The following COL4A2 variants were observed in gnomAD, a reference collection of about 807,000 sequenced individuals.
COL4A2 encodes collagen alpha-2(IV) chain.
Under a neutral mutation model 200.2 loss-of-function variants are expected in COL4A2, and 99 were observed. The observed-to-expected ratio is 0.49, with a 90% confidence interval of 0.42 to 0.58. The LOEUF (loss-of-function observed/expected upper bound fraction) is 0.58, where lower values mean the gene tolerates loss of function less well. Among genes scored for constraint, COL4A2 ranks in the 20% least tolerant of loss-of-function variants. The pLI is 0.00. For missense variants in COL4A2, 1,950 were observed against 2,314.1 expected, an observed-to-expected ratio of 0.84 and a Z score of 3.23; for synonymous variants, 897 against 900.6, an observed-to-expected ratio of 1.00 and a Z score of 0.07.
chr13:110,494,041 T>C (rs1238929431), intron 39 of COL4A2, among the ~76,000 whole-genome samples: 2 of 150,540 alleles, frequency 1.3e-5, no homozygotes, highest in African/African-American at 4.9e-5. Context: ...ACACAATCAG[T>C]CCATAGCAAG....
At chr13:110,477,210 A>G (rs908387960) in intron 29 of COL4A2, among the ~76,000 whole-genome samples, 1 of 152,168 alleles carries the variant, frequency 6.6e-6, no homozygotes, top group Non-Finnish European at 1.5e-5. Context: ...AAGAAAGAAA[A>G]GATATGAGCA....
chr13:110,408,581 G>A (rs199581020), intron 4 of COL4A2, among the ~76,000 whole-genome samples: 1 of 152,162 alleles, frequency 6.6e-6, no homozygotes, highest in East Asian at 1.9e-4. Context: ...CCGCCCTCTG[G>A]CCATCGTCGG....
chr13:110,377,824 T>G lies in COL4A2; in HGVS notation c.180+20272T>G, dbSNP rs111721855. On this transcript the variant is annotated intron_variant, in intron 4 of 47. Coordinates refer to ENST00000360467, the MANE Select transcript of COL4A2 (RefSeq NM_001846.4). Reference sequence around the variant, plus strand: ...AAATTCAGCCTAATACTTAATGGCTTTATTCAGACCTAATTTGAACATATC... The same window carrying G: ...AAATTCAGCCTAATACTTAATGGCTGTATTCAGACCTAATTTGAACATATC... Among the ~76,000 whole-genome samples the G allele has an allele frequency of 4.1e-4, 62 of 152,346 alleles. 2 individuals carry two copies. Among genetic ancestry groups the G allele is most frequent in the African/African-American group, 1.3e-3 (55 of 41,578 alleles).
chr13:110,447,003 AAAAT>A (rs1331565121), intron 18 of COL4A2, 139 bp downstream of exon 18: 2 of 530,644 alleles, frequency 3.8e-6, no homozygotes, highest in Non-Finnish European at 5.9e-6. Context: ...AAAAAAATAA[AAAAT>A]AAACCACGAA....
In COL4A2 at chr13:110,512,395, C is replaced by A. The variant is rs1161755307; in HGVS notation, c.*204C>A. 6 of 848,938 alleles carry A rather than the reference C, an allele frequency of 7.1e-6. No individual in the cohort carries two copies. The East Asian group carries it at 8.1e-5, about 12-fold the overall frequency. The allele number at this position is 848,938 out of a possible 1,614,324, so 52.6% of individuals were successfully genotyped here. A position where few individuals can be genotyped will look rare whatever the true frequency, so the allele number is the denominator to read the frequency against. ...GGGGTCCCTGGAGGGCAAGCCCTGCCCACAGAAAGCCAGGAGCAGCCCTGG... is the reference window on the plus strand; with the variant it reads ...GGGGTCCCTGGAGGGCAAGCCCTGCACACAGAAAGCCAGGAGCAGCCCTGG... On this transcript the variant is annotated 3_prime_UTR_variant, in exon 48 of 48. Coordinates refer to ENST00000360467, the MANE Select transcript of COL4A2 (RefSeq NM_001846.4).
intron 36 of COL4A2, 34 bp downstream of exon 36, chr13:110,489,819 A>G (rs765597927): frequency 4.8e-5 from 76 of 1,588,178 alleles, no homozygotes; most frequent in South Asian, 4.2e-4. Flanking sequence ...TTCATCTTCA[A>G]CAACAGCCCT....
chr13:110,484,785 C>T (rs529220995), intron 32 of COL4A2, 120 bp from the exon 33 acceptor site: 1 of 1,402,930 alleles, frequency 7.1e-7, no homozygotes, highest in African/African-American at 1.4e-5. Context: ...TGGTCTCTCT[C>T]CAAGGCTTCC....
At chr13:110,509,670 AT>A (rs1409209355) in intron 47 of COL4A2, among the ~76,000 whole-genome samples, 1 of 152,200 alleles carries the variant, frequency 6.6e-6, no homozygotes, top group Non-Finnish European at 1.5e-5. Context: ...AAGGTCAGGC[AT>A]CCCCTGTTCC....
intron 3 of COL4A2, among the ~76,000 whole-genome samples, chr13:110,355,613 T>G (rs71441611): frequency 5.7e-4 from 11 of 19,410 alleles, no homozygotes; most frequent in South Asian, 2.9e-3. Flanking sequence ...CCTGTGTGTG[T>G]GGGGGAGGGC....
intron 31 of COL4A2, among the ~76,000 whole-genome samples, chr13:110,481,919 C>T (rs1436336542): frequency 6.0e-4 from 30 of 50,326 alleles, no homozygotes; most frequent in Non-Finnish European, 1.0e-3. Context: ...TCTGTCCCTC[C>T]GTGCTGGAGA....
At chr13:110,504,422 TC>T (rs1382710901) in intron 45 of COL4A2, among the ~76,000 whole-genome samples, 158 bp downstream of exon 45, 4 of 152,060 alleles carry the variant, frequency 2.6e-5, no homozygotes, top group Non-Finnish European at 2.9e-5. Context: ...GCAGCTACAC[TC>T]CTATGCCCAG....
intron 22 of COL4A2, among the ~76,000 whole-genome samples, chr13:110,460,307 G>T (rs1329884159): frequency 6.6e-6 from 1 of 152,144 alleles, no homozygotes; most frequent in Non-Finnish European, 1.5e-5. Flanking sequence ...GCTGATCCAT[G>T]CCCTAGGTTT....
At chr13:110,481,190 T>C (rs377241191) in intron 31 of COL4A2, among the ~76,000 whole-genome samples, 1 of 48,896 alleles carries the variant, frequency 2.0e-5, no homozygotes, top group South Asian at 7.4e-4. Flanking sequence ...AGACACACTG[T>C]TCTGTCCCTC....
At chr13:110,357,966 T>C (rs1466907271) in intron 4 of COL4A2, among the ~76,000 whole-genome samples, 1 of 152,224 alleles carries the variant, frequency 6.6e-6, no homozygotes, top group East Asian at 1.9e-4. Context: ...CGCACCACTG[T>C]AGATCCATCA....
chr13:110,429,290 T>C (rs1000640935), intron 7 of COL4A2: 1 of 152,334 alleles, frequency 6.6e-6, no homozygotes, highest in Non-Finnish European at 1.5e-5. Flanking sequence ...TCCTCGGCTG[T>C]TTCTGTTTTA....
In COL4A2 at chr13:110,425,698, A is replaced by G. The variant is rs1289343027; in HGVS notation, c.360+701A>G. On this transcript the variant is annotated intron_variant, in intron 6 of 47. Coordinates refer to ENST00000360467, the MANE Select transcript of COL4A2 (RefSeq NM_001846.4). ...GACATCTGCTTCACAAACCTCACAC[A>G]TATACACAGATGTGTGTGCCCGTGT... 2.0e-5 allele frequency among the ~76,000 whole-genome samples: 3 copies of G among 152,168 alleles called. No individual in the cohort carries two copies. In the East Asian group the frequency reaches 5.8e-4, roughly 29 times the overall value.
intron 4 of COL4A2, among the ~76,000 whole-genome samples, chr13:110,400,090 C>A (rs547042931): frequency 7.3e-5 from 11 of 151,608 alleles, no homozygotes; most frequent in Non-Finnish European, 1.6e-4. Flanking sequence ...TTTATGCTGA[C>A]TGCTTCTGCA....
intron 3 of COL4A2, among the ~76,000 whole-genome samples, chr13:110,324,372 A>G (rs902419379): frequency 2.6e-5 from 4 of 152,160 alleles, no homozygotes; most frequent in Admixed American, 2.6e-4. Context: ...CTCCTTCTTG[A>G]CACCTGTCCT....
chr13:110,374,443 A>C (rs1213641510), intron 4 of COL4A2, among the ~76,000 whole-genome samples: 1 of 152,142 alleles, frequency 6.6e-6, no homozygotes, highest in Non-Finnish European at 1.5e-5. Context: ...TCAACCTTTA[A>C]CTTCCACATC....
Sources: gnomAD v4.1 joint callset for allele counts (sites outside exome capture counted in the v4.1 genomes callset) on GRCh38, gnomAD v4.1.1 for gene constraint, MANE v1.5 for transcripts, NCBI Gene and HGNC (gene_info 2026-07-23, HGNC 2026-07-21) for gene names.